Variants in PTPRG observed in about 807,000 individuals in gnomAD.
PTPRG encodes the protein protein tyrosine phosphatase receptor type G, also known as receptor-type tyrosine-protein phosphatase gamma.
A neutral mutation model predicts 165.3 loss-of-function variants in PTPRG; 102 were observed. The observed-to-expected ratio is 0.62, with a 90% CI of 0.53 to 0.73. PTPRG has a LOEUF of 0.73. Ranked by LOEUF, PTPRG falls within the 30% of genes least tolerant of loss-of-function variation. The pLI is 0.00. For synonymous variants in PTPRG, 675 were observed against 669.5 expected, an observed-to-expected ratio of 1.01 and a Z score of -0.13; for missense variants, 1,866 against 1,861.4, an observed-to-expected ratio of 1.00 and a Z score of -0.05.
Position 62,296,114 on chromosome 3 carries a change from G to C in PTPRG, c.*2807G>C, listed in dbSNP as rs1703054076. 3 of 152,030 alleles carry C rather than the reference G, an allele frequency of 2.0e-5. No individual in the cohort carries two copies. Among genetic ancestry groups the C allele is most frequent in the African/African-American group, 7.2e-5 (3 of 41,414 alleles). The allele number at this position is 152,030 out of a possible 1,614,324, so 9.4% of individuals were successfully genotyped here. A position where few individuals can be genotyped will look rare whatever the true frequency, so the allele number is the denominator to read the frequency against. On this transcript the variant is annotated 3_prime_UTR_variant, in exon 30 of 30. Transcript: ENST00000474889. ...TGGCTGTGCTGGACATCAAAGAAAA[G>C]ACATGCTGTTGCCATCAGGAGAACT...
chr3:62,001,936 C>T (rs28736320), intron 3 of PTPRG, among the ~76,000 whole-genome samples: 49,449 of 152,076 alleles, frequency 0.33, 8,137 homozygotes, highest in African/African-American at 0.36. Flanking sequence ...GAAAAGTTTA[C>T]GACCCCTGTT....
chr3:61,949,341 G>A lies in PTPRG; in HGVS notation c.191-40284G>A, dbSNP rs140300877. Among the ~76,000 whole-genome samples the A allele has an allele frequency of 1.0e-3, 154 of 152,252 alleles. 1 individual carries two copies. The highest frequency in any genetic ancestry group is 3.3e-3 in the Admixed American group (50 of 15,290). On this transcript the variant is annotated intron_variant, in intron 2 of 29. Transcript: ENST00000474889. Reference sequence around the variant, plus strand: ...ATTAAATAAAAATGTAGCCTTTTATGTTTTGAGGGGTGCAATATGAAGGAG... The same window carrying A: ...ATTAAATAAAAATGTAGCCTTTTATATTTTGAGGGGTGCAATATGAAGGAG...
intron 6 of PTPRG, among the ~76,000 whole-genome samples, chr3:62,135,220 G>A (rs894921607): frequency 6.7e-5 from 10 of 150,294 alleles, no homozygotes; most frequent in Non-Finnish European, 1.3e-4. Context: ...GCTGTAGTGA[G>A]CCATGATCAT....
rs1700657835 is a variant in PTPRG, at chr3:61,594,890, C to T, written c.85+32518C>T. ...AACACGATGTTACAATAAAATTGGC[C>T]TGATCTAAGCATAGCTAAAGTCTGA... is the stretch of plus-strand genomic sequence containing the variant. On this transcript the variant is annotated intron_variant, in intron 1 of 29. Transcript: ENST00000474889. 2.0e-5 allele frequency among the ~76,000 whole-genome samples: 3 copies of T among 152,268 alleles called. No homozygotes were observed. In the South Asian group the frequency reaches 6.2e-4, roughly 32 times the overall value.
At chr3:62,107,753 C>A (rs184980443) in intron 5 of PTPRG, among the ~76,000 whole-genome samples, 1 of 152,204 alleles carries the variant, frequency 6.6e-6, no homozygotes, top group African/African-American at 2.4e-5. Flanking sequence ...TTTGTTGATT[C>A]ATCCATTCAT....
At chr3:62,077,376 A>G (rs1208416317) in intron 4 of PTPRG, among the ~76,000 whole-genome samples, 7 of 152,166 alleles carry the variant, frequency 4.6e-5, no homozygotes, top group Non-Finnish European at 1.5e-5. Flanking sequence ...TCTGATGTGT[A>G]ATAGTAGGCA....
rs1006198771 is a variant in PTPRG at position 62,213,486 on chromosome 3, C to T, written c.2156-5365C>T. Among the ~76,000 whole-genome samples the T allele has an allele frequency of 2.0e-5, 3 of 152,156 alleles. No homozygotes were observed. Among genetic ancestry groups the T allele is most frequent in the African/African-American group, 2.4e-5 (1 of 41,432 alleles). On this transcript the variant is annotated intron_variant, in intron 12 of 29. Coordinates refer to ENST00000474889, the MANE Select transcript of PTPRG (RefSeq NM_002841.4). This position sits in a 1 kb window ranked among gnomAD's most constrained non-coding sequence, Gnocchi z 4.4. ...CTTACATAGTCTGTTTTCACACGGACGATCTTTTTTCATCCTCAGGACTCC... is the reference window on the plus strand; with the variant it reads ...CTTACATAGTCTGTTTTCACACGGATGATCTTTTTTCATCCTCAGGACTCC...
intron 1 of PTPRG, among the ~76,000 whole-genome samples, chr3:61,740,498 A>G (rs530821918): frequency 1.9e-4 from 29 of 152,294 alleles, no homozygotes; most frequent in South Asian, 1.9e-3. Flanking sequence ...AGTTAATGGC[A>G]GAGGAATGAC....
intron 5 of PTPRG, 53 bp from the exon 6 acceptor site, chr3:62,132,549 G>C (rs1001839249): frequency 1.4e-6 from 2 of 1,391,740 alleles, no homozygotes; most frequent in Non-Finnish European, 2.0e-6. Flanking sequence ...AACTGAGACT[G>C]TTGTGCCTGA....
At chr3:62,004,935 G>A (rs1191550882) in intron 4 of PTPRG, among the ~76,000 whole-genome samples, 4 of 152,090 alleles carry the variant, frequency 2.6e-5, no homozygotes, top group African/African-American at 9.7e-5. Context: ...TAACTGATAG[G>A]GTTTCGTCAT....
Position 61,894,301 on chromosome 3 carries a change from C to CAAAAAAAAAAAAAAAAAAAAAAAA in PTPRG, c.191-95314_191-95291dup, listed in dbSNP as rs767479285. Among the ~76,000 whole-genome samples the CAAAAAAAAAAAAAAAAAAAAAAAA allele has an allele frequency of 1.2e-4, 6 of 49,848 alleles. 1 individual carries two copies. Among genetic ancestry groups the CAAAAAAAAAAAAAAAAAAAAAAAA allele is most frequent in the African/African-American group, 3.3e-4 (5 of 15,098 alleles). The allele number at this position is 49,848 out of a possible 152,430, so 32.7% of individuals were successfully genotyped here. A position where few individuals can be genotyped will look rare whatever the true frequency, so the allele number is the denominator to read the frequency against. On this transcript the variant is annotated intron_variant, in intron 2 of 29. Transcript: ENST00000474889. ...CGGGCAACAGAGCAAGACTCTGTGT[C>CAAAAAAAAAAAAAAAAAAAAAAAA]AAAAAAAAAAAAAAAAAAAAAAAAA...
chr3:62,279,637 C>T (rs537131217), intron 26 of PTPRG, among the ~76,000 whole-genome samples: 37 of 152,144 alleles, frequency 2.4e-4, no homozygotes, highest in African/African-American at 7.0e-4. Context: ...TTAAAACCCA[C>T]GACAGTTACA....
intron 1 of PTPRG, among the ~76,000 whole-genome samples, chr3:61,671,791 G>A (rs1204442476): frequency 2.2e-5 from 3 of 136,036 alleles, no homozygotes; most frequent in East Asian, 2.4e-4. Flanking sequence ...CCTCCCTCCC[G>A]GATGGGGCGG....
At chr3:61,852,763 A>G (rs1212692392) in intron 2 of PTPRG, among the ~76,000 whole-genome samples, 1 of 152,190 alleles carries the variant, frequency 6.6e-6, no homozygotes, top group Non-Finnish European at 1.5e-5. Context: ...TTTGAGGGCC[A>G]TGTGTGAAAG....
rs1484595988 is a variant in PTPRG, at chr3:62,192,408, T to G, written c.1218+755T>G. ...CAACTACTGTCTTTTTTTTTTTTTT[T>G]TTTTTTTTTTTTTTTTTTGAGACAG... On this transcript the variant is annotated intron_variant, in intron 9 of 29. Transcript: ENST00000474889. Among the ~76,000 whole-genome samples, 25 of 129,312 alleles carry G rather than the reference T, an allele frequency of 1.9e-4. 1 individual carries two copies. Among genetic ancestry groups the G allele is most frequent in the Admixed American group, 1.3e-3 (17 of 12,758 alleles). 84.8% of individuals were successfully genotyped at this position (129,312 alleles called of 152,430 possible).
intron 5 of PTPRG, among the ~76,000 whole-genome samples, chr3:62,101,541 T>TA (rs1702290155): frequency 6.6e-6 from 1 of 152,250 alleles, no homozygotes. Flanking sequence ...TACCCTTTAC[T>TA]ACTACACAAG....
At chr3:61,811,038 C>T (rs1401530849) in intron 2 of PTPRG, among the ~76,000 whole-genome samples, 4 of 152,096 alleles carry the variant, frequency 2.6e-5, no homozygotes, top group Non-Finnish European at 4.4e-5. Context: ...GATGATTGTT[C>T]GAATGTGACA....
chr3:61,896,710 A>G (rs1379863310), intron 2 of PTPRG, among the ~76,000 whole-genome samples: 1 of 152,160 alleles, frequency 6.6e-6, no homozygotes, highest in Non-Finnish European at 1.5e-5. Flanking sequence ...TGACATTACA[A>G]TTTGATATTG....
At chr3:61,810,429 A>G in intron 2 of PTPRG, among the ~76,000 whole-genome samples, 1 of 152,216 alleles carries the variant, frequency 6.6e-6, no homozygotes, top group African/African-American at 2.4e-5. Context: ...AGGAATGGAC[A>G]AGAACCAGAT....
Sources: gnomAD v4.1 joint callset for allele counts (sites outside exome capture counted in the v4.1 genomes callset) on GRCh38, gnomAD v4.1.1 for gene constraint, Gnocchi (gnomAD v3.1) non-coding constraint, MANE v1.5 for transcripts, NCBI Gene and HGNC (gene_info 2026-07-23, HGNC 2026-07-21) for gene names.